Variants in AGO3 observed in about 807,000 individuals in gnomAD.
The protein encoded by AGO3 is argonaute RISC catalytic component 3, also known as protein argonaute-3.
In AGO3, 16 loss-of-function variants were observed where a neutral mutation model predicts 105.5. The observed-to-expected ratio is 0.15, with a 90% CI of 0.10 to 0.23. The LOEUF is 0.23. Ranked by LOEUF, AGO3 falls within the 10% of genes least tolerant of loss-of-function variation. AGO3 has a pLI of 1.00. For missense variants in AGO3, 534 were observed against 1,088.0 expected (o/e 0.49, Z 7.16); for synonymous variants, 340 against 367.3 (o/e 0.93, Z 0.85).
At chr1:35,931,060 A>G (rs1490943083), upstream of AGO3, 1 of 385,322 alleles carries the variant, frequency 2.6e-6, no homozygotes, top group Non-Finnish European at 4.6e-6. Flanking sequence ...CGGGCAAGCC[A>G]GGCAGCGGAA....
rs1319592571 is a variant in AGO3 at position 35,973,529 on chromosome 1, A to G, written c.658+18A>G. 2.6e-6 allele frequency: 4 copies of G among 1,522,464 alleles called. No individual in the cohort carries two copies. The highest frequency in any genetic ancestry group is 2.7e-6 in the Non-Finnish European group (3 of 1,125,202). 94.3% of individuals were successfully genotyped at this position (1,522,464 alleles called of 1,614,324 possible). On this transcript the variant is annotated intron_variant, in intron 5 of 18. Coordinates refer to ENST00000373191, the MANE Select transcript of AGO3 (RefSeq NM_024852.4). ...TATCGATGGTAAGGGAACTAAAGCCATATTCTGTATTGGGTGGTGGATTTC... is the reference window on the plus strand; with the variant it reads ...TATCGATGGTAAGGGAACTAAAGCCGTATTCTGTATTGGGTGGTGGATTTC...
chr1:36,045,630 C>T (rs1642436222), intron 17 of AGO3, among the ~76,000 whole-genome samples: 2 of 151,308 alleles, frequency 1.3e-5, no homozygotes, highest in African/African-American at 4.9e-5. Flanking sequence ...GCAATCTCCA[C>T]CTCCCAGGTT....
Position 35,949,411 on chromosome 1 carries a change from T to G in AGO3, c.191+3548T>G, listed in dbSNP as rs367664636. ...CTTCAGTTTTTACAGTATTACTGCA[T>G]GACTAGTCAGTTGAAACTTGGTGGT... is the stretch of plus-strand genomic sequence containing the variant. On this transcript the variant is annotated intron_variant, in intron 2 of 18. Transcript: ENST00000373191. Among the ~76,000 whole-genome samples the G allele has an allele frequency of 7.9e-5, 12 of 152,352 alleles. No homozygotes were observed. In the East Asian group the frequency reaches 1.5e-3, roughly 20 times the overall value.
At chr1:35,978,520 T>G (rs1450119636) in intron 5 of AGO3, among the ~76,000 whole-genome samples, 2 of 152,082 alleles carry the variant, frequency 1.3e-5, no homozygotes. Context: ...TTATTAACGT[T>G]AAACTCACTA....
chr1:35,956,139 AT>A (rs1646561101), intron 2 of AGO3, among the ~76,000 whole-genome samples: 3 of 152,334 alleles, frequency 2.0e-5, no homozygotes. Context: ...TATAGGTAAT[AT>A]GTTCAAAGAC....
At chr1:36,006,188 G>A (rs962914349) in intron 6 of AGO3, among the ~76,000 whole-genome samples, 3 of 150,452 alleles carry the variant, frequency 2.0e-5, no homozygotes, top group African/African-American at 7.4e-5. Context: ...AGAGTTTTGT[G>A]TTCTCTCCTG....
chr1:35,984,895 G>A (rs1647135329), intron 5 of AGO3, among the ~76,000 whole-genome samples: 1 of 152,128 alleles, frequency 6.6e-6, no homozygotes, highest in South Asian at 2.1e-4. Context: ...AGGAATAAAC[G>A]ATTTCTGAGG....
intron 2 of AGO3, among the ~76,000 whole-genome samples, chr1:35,964,530 T>C (rs1646738532): frequency 6.6e-6 from 1 of 152,218 alleles, no homozygotes; most frequent in Non-Finnish European, 1.5e-5. Context: ...GTACCATTGA[T>C]GGGCATTTAG....
intron 5 of AGO3, among the ~76,000 whole-genome samples, chr1:35,990,608 A>G (rs1051825497): frequency 3.3e-5 from 5 of 152,260 alleles, no homozygotes; most frequent in Non-Finnish European, 5.9e-5. Flanking sequence ...AGTAGGCAGA[A>G]TATGTAAATG....
chr1:36,012,474 G>A (rs1640666903), intron 9 of AGO3, among the ~76,000 whole-genome samples: 1 of 151,974 alleles, frequency 6.6e-6, no homozygotes, highest in African/African-American at 2.4e-5. Context: ...ATATGTATGG[G>A]AATATATAAA....
chr1:35,946,825 G>A (rs999113506), intron 2 of AGO3, among the ~76,000 whole-genome samples: 3 of 152,188 alleles, frequency 2.0e-5, no homozygotes, highest in Non-Finnish European at 2.9e-5. Flanking sequence ...ATGTAATGCA[G>A]AGTTCTTTGT....
Position 36,070,629 on chromosome 1 carries a change from A to G in AGO3, c.*14884A>G, listed in dbSNP as rs888651267. 7 of 152,134 alleles carry G rather than the reference A, an allele frequency of 4.6e-5. No homozygotes were observed. Among genetic ancestry groups the G allele is most frequent in the African/African-American group, 9.7e-5 (4 of 41,400 alleles). 9.4% of individuals were successfully genotyped at this position (152,134 alleles called of 1,614,324 possible). On this transcript the variant is annotated 3_prime_UTR_variant, in exon 19 of 19. Coordinates refer to ENST00000373191, the MANE Select transcript of AGO3 (RefSeq NM_024852.4). ...TTTACTTTTATCTCCACAGATGCCA[A>G]CCTCCCCTTGTTGCAGGCAGTTGGG...
At chr1:35,930,961 G>A, upstream of AGO3, 1 of 318,248 alleles carries the variant, frequency 3.1e-6, no homozygotes, top group Non-Finnish European at 5.7e-6. Flanking sequence ...CCCGGCTCCC[G>A]GACACCTCCC....
At chr1:35,976,315 A>G (rs1001971705) in intron 5 of AGO3, among the ~76,000 whole-genome samples, 1 of 152,074 alleles carries the variant, frequency 6.6e-6, no homozygotes, top group African/African-American at 2.4e-5. Context: ...AATTGCTTAT[A>G]TATATTCAGG....
At chr1:35,962,472 G>T (rs565337367) in intron 2 of AGO3, among the ~76,000 whole-genome samples, 5 of 151,888 alleles carry the variant, frequency 3.3e-5, no homozygotes, top group Non-Finnish European at 5.9e-5. Flanking sequence ...GAACCCAGGA[G>T]GGGGAGCTTG....
intron 5 of AGO3, among the ~76,000 whole-genome samples, chr1:36,001,092 C>T (rs1219524305): frequency 2.0e-5 from 3 of 151,876 alleles, no homozygotes; most frequent in Non-Finnish European, 2.9e-5. Context: ...AAAAATTAGC[C>T]GGGTGTGGTG....
chr1:36,049,573 A>G (rs1642618463), intron 17 of AGO3, among the ~76,000 whole-genome samples: 2 of 151,836 alleles, frequency 1.3e-5, no homozygotes, highest in South Asian at 4.1e-4. Context: ...ATCTGGGTGT[A>G]ATATACCCAT....
chr1:36,009,932 C>CTT (rs58385070), intron 9 of AGO3, among the ~76,000 whole-genome samples: 60 of 58,208 alleles, frequency 1.0e-3, no homozygotes, highest in Non-Finnish European at 1.5e-3. Context: ...TACTAAAATT[C>CTT]TTTTTTTTTT....
intron 12 of AGO3, among the ~76,000 whole-genome samples, chr1:36,031,116 G>C (rs1401389789): frequency 6.6e-6 from 1 of 152,056 alleles, no homozygotes; most frequent in African/African-American, 2.4e-5. Flanking sequence ...GAAAATACAA[G>C]ATTTTATTTT....
Sources: allele counts gnomAD v4.1 joint callset (sites outside exome capture counted in the v4.1 genomes callset), GRCh38; gene constraint gnomAD v4.1.1; transcripts MANE v1.5; gene names NCBI Gene and HGNC (gene_info 2026-07-23, HGNC 2026-07-21).